Variants in AMPH observed in about 807,000 individuals in gnomAD.
AMPH encodes amphiphysin (Stiff-Mann syndrome with breast cancer 128kD autoantigen).
In AMPH, 49 loss-of-function variants were observed where a neutral mutation model predicts 99.1. That is an observed-to-expected ratio of 0.49 (90% CI 0.39 to 0.63). AMPH has a LOEUF of 0.63. Ranked by LOEUF, AMPH falls within the 20% of genes least tolerant of loss-of-function variation. AMPH has a pLI of 0.00. For missense variants in AMPH, 759 were observed against 863.4 expected, an observed-to-expected ratio of 0.88 and a Z score of 1.52; for synonymous variants, 314 against 317.3, an observed-to-expected ratio of 0.99 and a Z score of 0.11.
intron 2 of AMPH, among the ~76,000 whole-genome samples, chr7:38,527,127 ATC>A (rs1194472699): frequency 1.3e-5 from 2 of 149,968 alleles, no homozygotes; most frequent in African/African-American, 4.8e-5. Context: ...CTACATGTCT[ATC>A]TCTCTGCCAA....
rs1458391141 is a variant in AMPH at position 38,463,129 on chromosome 7, G to C, written c.750-16C>G. The stretch of plus-strand genomic sequence containing the variant: ...ACCCGAATCACTAGAGGAACACAGG[G>C]GATTGGGCAAGGGGCCTTCTCAAGA... On this transcript the variant is annotated splice_polypyrimidine_tract_variant and intron_variant, in intron 9 of 20. Transcript: ENST00000356264. 2 of 1,613,936 alleles carry C rather than the reference G, an allele frequency of 1.2e-6. No individual in the cohort carries two copies. The highest frequency in any genetic ancestry group is 1.1e-5 in the South Asian group (1 of 91,070).
chr7:38,530,701 T>G (rs550502623), intron 2 of AMPH, among the ~76,000 whole-genome samples: 5 of 152,276 alleles, frequency 3.3e-5, no homozygotes, highest in African/African-American at 1.2e-4. Context: ...CTTTCCACAG[T>G]GGGACCTTTT....
Position 38,492,620 on chromosome 7 carries a change from C to T in AMPH, c.301-1475G>A, listed in dbSNP as rs1355883993. Among the ~76,000 whole-genome samples the T allele has an allele frequency of 5.3e-5, 8 of 152,302 alleles. No individual in the cohort carries two copies. In the South Asian group the frequency reaches 1.2e-3, roughly 24 times the overall value. ...CTGTTTAGAAAGGCTCAACTGCTGA[C>T]GTGAGTAGACCCTCTGAACATGCAG... is the stretch of plus-strand genomic sequence containing the variant. On this transcript the variant is annotated intron_variant, in intron 4 of 20. Transcript: ENST00000356264.
chr7:38,471,466 G>A (rs192339951), intron 7 of AMPH, among the ~76,000 whole-genome samples: 199 of 152,192 alleles, frequency 1.3e-3, no homozygotes, highest in African/African-American at 4.4e-3. Flanking sequence ...CTAAGCAGTA[G>A]TTCCATTTCT....
chr7:38,628,220 T>C (rs1794325349), intron 1 of AMPH, among the ~76,000 whole-genome samples: 1 of 152,184 alleles, frequency 6.6e-6, no homozygotes, highest in Admixed American at 6.5e-5. Context: ...ACAAATGAAA[T>C]TAATCATGAA....
intron 1 of AMPH, among the ~76,000 whole-genome samples, chr7:38,611,068 G>A (rs1793665373): frequency 6.6e-6 from 1 of 152,194 alleles, no homozygotes; most frequent in South Asian, 2.1e-4. Flanking sequence ...AAACAAACCA[G>A]ATGTCCATCA....
chr7:38,484,510 T>C (rs1308709945), intron 5 of AMPH, among the ~76,000 whole-genome samples: 2 of 152,044 alleles, frequency 1.3e-5, no homozygotes. Flanking sequence ...TCTTGCATTC[T>C]TAAAGAAGAG....
intron 2 of AMPH, among the ~76,000 whole-genome samples, chr7:38,516,266 G>A (rs1789736643): frequency 6.6e-6 from 1 of 152,180 alleles, no homozygotes; most frequent in Non-Finnish European, 1.5e-5. Flanking sequence ...AGGCCCTGAG[G>A]CCTAGAAGGA....
chr7:38,580,864 C>A (rs1792428105), intron 1 of AMPH, among the ~76,000 whole-genome samples: 1 of 152,114 alleles, frequency 6.6e-6, no homozygotes, highest in Non-Finnish European at 1.5e-5. Context: ...TAGGACATTC[C>A]TTTGATCAAA....
At chr7:38,585,221 G>T (rs555007607) in intron 1 of AMPH, among the ~76,000 whole-genome samples, 36 of 152,172 alleles carry the variant, frequency 2.4e-4, no homozygotes, top group Non-Finnish European at 4.9e-4. Context: ...TGAGGATTCT[G>T]AGAATCTACA....
chr7:38,603,657 G>A (rs900330729), intron 1 of AMPH, among the ~76,000 whole-genome samples: 1 of 152,164 alleles, frequency 6.6e-6, no homozygotes, highest in African/African-American at 2.4e-5. Flanking sequence ...CAGAAGAAGA[G>A]CCAGGCCTCC....
Position 38,555,341 on chromosome 7 carries a change from G to A in AMPH, c.70-20330C>T, listed in dbSNP as rs187163049. On this transcript the variant is annotated intron_variant, in intron 1 of 20. Coordinates refer to ENST00000356264, the MANE Select transcript of AMPH (RefSeq NM_001635.4). ...GATTGCTTGAGCCCAGGAGTTTGAG[G>A]CTACAGTAAGCTATGATCATGCCAC... Among the ~76,000 whole-genome samples, 229 of 152,144 alleles carry A rather than the reference G, an allele frequency of 1.5e-3. 1 individual carries two copies. The highest frequency in any genetic ancestry group is 5.3e-3 in the African/African-American group (218 of 41,510).
intron 1 of AMPH, among the ~76,000 whole-genome samples, chr7:38,589,823 C>T (rs1277021937): frequency 6.6e-6 from 1 of 152,146 alleles, no homozygotes; most frequent in African/African-American, 2.4e-5. Flanking sequence ...GAAAGGGCAC[C>T]TGTGAACACA....
chr7:38,509,103 CTG>C (rs1207435791), intron 2 of AMPH, among the ~76,000 whole-genome samples: 10 of 152,154 alleles, frequency 6.6e-5, no homozygotes, highest in Non-Finnish European at 7.3e-5. Context: ...GCTTTGAGCT[CTG>C]TGCACTATTG....
intron 1 of AMPH, among the ~76,000 whole-genome samples, chr7:38,560,283 T>C (rs1791509534): frequency 6.6e-6 from 1 of 152,194 alleles, no homozygotes; most frequent in Non-Finnish European, 1.5e-5. Flanking sequence ...GGCTAGTTTG[T>C]TAGATGATGC....
At chr7:38,460,136 G>A (rs112234709) in intron 11 of AMPH, among the ~76,000 whole-genome samples, 3,526 of 152,150 alleles carry the variant, frequency 0.023, 52 homozygotes, top group Non-Finnish European at 0.036. Flanking sequence ...AAACCAAATT[G>A]AGATGTCATC....
At chr7:38,391,469 G>A (rs1395753744) in intron 19 of AMPH, among the ~76,000 whole-genome samples, 1 of 152,160 alleles carries the variant, frequency 6.6e-6, no homozygotes, top group African/African-American at 2.4e-5. Flanking sequence ...AGGCACCTGG[G>A]GGAGTAGAGA....
chr7:38,465,491 GC>G lies in AMPH; in HGVS notation c.724del (p.Ala242ProfsTer40). On this transcript the variant is annotated frameshift_variant, in exon 9 of 21. Transcript: ENST00000356264. LOFTEE classifies it high-confidence loss of function. Reference protein sequence around the residue: ...TKLGDQHADKAFTIQGAPSDS... With the variant: ...TKLGDQHADKXFTIQGAPSDS... Reference sequence around the variant, plus strand: ...CCTGGGCGCTCCTTGGATGGTGAAGGCCTTGTCGGCGTGCTGGTCACCCAGT... The same window carrying G: ...CCTGGGCGCTCCTTGGATGGTGAAGGCTTGTCGGCGTGCTGGTCACCCAGT... 3 of 1,582,706 alleles carry G rather than the reference GC, an allele frequency of 1.9e-6. No homozygotes were observed. Among genetic ancestry groups the G allele is most frequent in the Non-Finnish European group, 2.6e-6 (3 of 1,162,496 alleles).
At chr7:38,532,643 C>G (rs1426601347) in intron 2 of AMPH, among the ~76,000 whole-genome samples, 1 of 151,924 alleles carries the variant, frequency 6.6e-6, no homozygotes, top group Admixed American at 6.6e-5. Context: ...TGGCACAAAT[C>G]ATTCTGCCAA....
Sources: gnomAD v4.1 joint callset for allele counts (sites outside exome capture counted in the v4.1 genomes callset) on GRCh38, gnomAD v4.1.1 for gene constraint, MANE v1.5 for transcripts, NCBI Gene and HGNC (gene_info 2026-07-23, HGNC 2026-07-21) for gene names.